L3MBTL4: variants seen among roughly 807,000 people sequenced by gnomAD.
L3MBTL4 encodes L3MBTL histone methyl-lysine binding protein 4.
A neutral mutation model predicts 84.5 loss-of-function variants in L3MBTL4; 70 were observed. That is an observed-to-expected ratio of 0.83 (90% CI 0.68 to 1.01). L3MBTL4 has a LOEUF of 1.01. L3MBTL4 is among the 50% of genes least tolerant of loss of function. The probability of loss-of-function intolerance (pLI) is 0.00; values close to 1 mark genes in which losing one functional copy is unlikely to be tolerated. For missense variants in L3MBTL4, 715 were observed against 754.8 expected (o/e 0.95, Z 0.62); for synonymous variants, 274 against 259.8 (o/e 1.05, Z -0.52).
At chr18:5,986,532 A>T (rs536609582) in intron 16 of L3MBTL4, among the ~76,000 whole-genome samples, 1 of 152,228 alleles carries the variant, frequency 6.6e-6, no homozygotes, top group African/African-American at 2.4e-5. Flanking sequence ...ATCTCCCTTC[A>T]TTGCCTTTGA....
chr18:6,105,378 T>TG (rs374689071), intron 14 of L3MBTL4, among the ~76,000 whole-genome samples: 5,168 of 151,388 alleles, frequency 0.034, 127 homozygotes, highest in Admixed American at 0.061. Context: ...TTAGTAGAGA[T>TG]GGGGTTTCAC....
rs558688865 is a variant in L3MBTL4 at position 6,053,116 on chromosome 18, G to A, written c.1444+27765C>T. ...TGTCATGCATTTCCAGCTAGTGTTG[G>A]CTCTTCACAATACACTATGCTAAGA... On this transcript the variant is annotated intron_variant, in intron 16 of 18. Transcript: ENST00000317931. Among the ~76,000 whole-genome samples the A allele has an allele frequency of 4.6e-5, 7 of 152,286 alleles. No individual in the cohort carries two copies. In the South Asian group the frequency reaches 1.5e-3, roughly 32 times the overall value.
At chr18:6,070,363 G>A (rs1404483939) in intron 16 of L3MBTL4, among the ~76,000 whole-genome samples, 1 of 152,074 alleles carries the variant, frequency 6.6e-6, no homozygotes, top group African/African-American at 2.4e-5. Flanking sequence ...GACTTCTTGA[G>A]AGAAACAATA....
In L3MBTL4 at chr18:6,264,058, G is replaced by A; in HGVS notation, c.128-20C>T. 6.4e-7 allele frequency: 1 copy of A among 1,551,968 alleles called. No individual in the cohort carries two copies. Among genetic ancestry groups the A allele is most frequent in the Non-Finnish European group, 8.9e-7 (1 of 1,125,316 alleles). On this transcript the variant is annotated intron_variant, in intron 4 of 18. Coordinates refer to ENST00000317931, the MANE Select transcript of L3MBTL4 (RefSeq NM_001330559.2). ...AAGGGACTGGAAGAGAAAACACAAT[G>A]ACTTTTCTCAAAATGATTAGTGACA... is the stretch of plus-strand genomic sequence containing the variant.
rs552671993 is a variant in L3MBTL4 at position 6,038,408 on chromosome 18, C to T, written c.1444+42473G>A. 5.9e-5 allele frequency among the ~76,000 whole-genome samples: 9 copies of T among 152,114 alleles called. 1 individual carries two copies. The highest frequency in any genetic ancestry group is 2.1e-4 in the South Asian group (1 of 4,796). On this transcript the variant is annotated intron_variant, in intron 16 of 18. Transcript: ENST00000317931. ...AGTTGGGACTATAGGCGTCCGCCAC[C>T]GCGACCGGTTAACTTTTTTGTATTT...
At chr18:6,068,902 C>T (rs909833128) in intron 16 of L3MBTL4, among the ~76,000 whole-genome samples, 1 of 152,138 alleles carries the variant, frequency 6.6e-6, no homozygotes, top group Non-Finnish European at 1.5e-5. Context: ...GGGATGTTCC[C>T]TTGATGTGAT....
intron 15 of L3MBTL4, among the ~76,000 whole-genome samples, chr18:6,082,986 T>C (rs1160389654): frequency 2.0e-5 from 3 of 152,158 alleles, no homozygotes; most frequent in Non-Finnish European, 2.9e-5. Flanking sequence ...GGGATAGTAC[T>C]CTTGTTTTAC....
intron 16 of L3MBTL4, among the ~76,000 whole-genome samples, chr18:6,047,082 G>A (rs1433488130): frequency 6.6e-6 from 1 of 151,586 alleles, no homozygotes; most frequent in Non-Finnish European, 1.5e-5. Context: ...CCAATCCCAC[G>A]GAAATAAAAA....
At chr18:6,377,647 T>G (rs143310937) in intron 1 of L3MBTL4, among the ~76,000 whole-genome samples, 5,702 of 152,312 alleles carry the variant, frequency 0.037, 157 homozygotes, top group Admixed American at 0.084. Context: ...GCAAAGGACA[T>G]GAACACATCC....
At chr18:6,233,990 C>A (rs1466855164) in intron 10 of L3MBTL4, among the ~76,000 whole-genome samples, 2 of 152,148 alleles carry the variant, frequency 1.3e-5, no homozygotes, top group African/African-American at 4.8e-5. Flanking sequence ...TGGAACAGAA[C>A]AGAGCCCTCA....
At chr18:6,163,229 G>A (rs887214339) in intron 13 of L3MBTL4, among the ~76,000 whole-genome samples, 5 of 142,156 alleles carry the variant, frequency 3.5e-5, no homozygotes, top group Non-Finnish European at 6.1e-5. Context: ...TTTTGGAGTA[G>A]GGGTGTGTTT....
Position 6,200,575 on chromosome 18 carries a change from C to T in L3MBTL4, c.981+12574G>A, listed in dbSNP as rs138744433. 9.5e-3 allele frequency among the ~76,000 whole-genome samples: 1,442 copies of T among 152,346 alleles called. 15 individuals carry two copies. Among genetic ancestry groups the T allele is most frequent in the South Asian group, 0.027 (132 of 4,834 alleles). ...CCATTATCTATCCATTACTACTCCACAGTCCCACTGTTTGTCATATGTTAT... is the reference window on the plus strand; with the variant it reads ...CCATTATCTATCCATTACTACTCCATAGTCCCACTGTTTGTCATATGTTAT... On this transcript the variant is annotated intron_variant, in intron 12 of 18. Transcript: ENST00000317931.
At chr18:6,042,757 C>T (rs995063967) in intron 16 of L3MBTL4, among the ~76,000 whole-genome samples, 1 of 152,152 alleles carries the variant, frequency 6.6e-6, no homozygotes, top group African/African-American at 2.4e-5. Context: ...TTCTGGAACA[C>T]CCTTTTGCTA....
intron 1 of L3MBTL4, among the ~76,000 whole-genome samples, chr18:6,411,222 C>T (rs764039395): frequency 6.6e-6 from 1 of 151,968 alleles, no homozygotes; most frequent in Admixed American, 6.6e-5. Context: ...TACAAGATGC[C>T]GATATTTATA....
chr18:6,365,439 T>C (rs1170702505), intron 1 of L3MBTL4, among the ~76,000 whole-genome samples: 1 of 152,226 alleles, frequency 6.6e-6, no homozygotes, highest in African/African-American at 2.4e-5. Context: ...CTCTAACTTA[T>C]TCTGTCTGCT....
intron 16 of L3MBTL4, among the ~76,000 whole-genome samples, chr18:6,027,224 C>A (rs1320463074): frequency 6.6e-6 from 1 of 152,122 alleles, no homozygotes; most frequent in African/African-American, 2.4e-5. Context: ...TATGATGTTC[C>A]CCTCCCTGTG....
At chr18:6,086,056 T>A (rs902034571) in intron 15 of L3MBTL4, among the ~76,000 whole-genome samples, 3 of 152,212 alleles carry the variant, frequency 2.0e-5, no homozygotes. Flanking sequence ...TTAGTTTTTA[T>A]TTTCTTCTTT....
chr18:6,042,846 C>T (rs1323568629), intron 16 of L3MBTL4, among the ~76,000 whole-genome samples: 3 of 152,192 alleles, frequency 2.0e-5, no homozygotes, highest in African/African-American at 7.2e-5. Flanking sequence ...CCGCTCAAAC[C>T]TCACTTCAGA....
At chr18:6,121,089 C>A (rs939791572) in intron 14 of L3MBTL4, among the ~76,000 whole-genome samples, 2 of 152,102 alleles carry the variant, frequency 1.3e-5, no homozygotes, top group African/African-American at 4.8e-5. Context: ...ATTAATTACA[C>A]AAAGAATTAT....
Sources: gnomAD v4.1 joint callset for allele counts (sites outside exome capture counted in the v4.1 genomes callset) on GRCh38, gnomAD v4.1.1 for gene constraint, MANE v1.5 for transcripts, NCBI Gene and HGNC (gene_info 2026-07-23, HGNC 2026-07-21) for gene names.